The following XK variants were observed in gnomAD, a reference collection of about 807,000 sequenced individuals.
XK encodes endoplasmic reticulum membrane adapter protein XK.
Under a neutral mutation model 14.0 loss-of-function variants are expected in XK, and 2 were observed. The observed-to-expected ratio is 0.14, with a 90% CI of 0.06 to 0.45. XK has a LOEUF of 0.45. Among genes scored for constraint, XK ranks in the 20% least tolerant of loss-of-function variants. The probability of loss-of-function intolerance (pLI) is 0.98; values close to 1 mark genes in which losing one functional copy is unlikely to be tolerated. For synonymous variants in XK, 149 were observed against 147.5 expected (o/e 1.01, Z -0.08); for missense variants, 235 against 341.5 (o/e 0.69, Z 2.46).
At chrX:37,690,934 T>C (rs60334825) in intron 1 of XK, among the ~76,000 whole-genome samples, 3,668 of 112,081 alleles carry the variant, frequency 0.033, 149 homozygotes, top group African/African-American at 0.11. Flanking sequence ...AGTAATTAGA[T>C]GAGTCTTGCA....
At chrX:37,700,888 A>C (rs1459455442) in intron 2 of XK, among the ~76,000 whole-genome samples, 2 of 111,113 alleles carry the variant, frequency 1.8e-5, no homozygotes, top group East Asian at 5.6e-4. Context: ...CAGGCTTTAC[A>C]TGGAGATTGA....
intron 1 of XK, among the ~76,000 whole-genome samples, chrX:37,693,295 C>A (rs1602145416): frequency 9.0e-6 from 1 of 111,448 alleles, no homozygotes; most frequent in Admixed American, 9.5e-5. Flanking sequence ...AGTTACAAAC[C>A]TACGGCCATG....
rs1173203144 is a variant in XK at position 37,728,777 on chromosome X, T to C, written c.*315T>C. On this transcript the variant is annotated 3_prime_UTR_variant, in exon 3 of 3. Transcript: ENST00000378616. ...AGTTGTACTGGTTAGATTCATTAGG[T>C]TGAATGAGGAGAGGGGCTTACCTGT... 4 of 266,843 alleles carry C rather than the reference T, an allele frequency of 1.5e-5. No homozygotes were observed. The highest frequency in any genetic ancestry group is 2.7e-5 in the Non-Finnish European group (4 of 149,597). The allele number at this position is 266,843 out of a possible 1,213,427, so 22.0% of individuals were successfully genotyped here. A position where few individuals can be genotyped will look rare whatever the true frequency, so the allele number is the denominator to read the frequency against.
At chrX:37,707,951 C>T (rs1225949263) in intron 2 of XK, among the ~76,000 whole-genome samples, 2 of 112,990 alleles carry the variant, frequency 1.8e-5, no homozygotes, top group East Asian at 2.8e-4. Context: ...CGTCTGCAAT[C>T]CCGGCCCCTC....
Position 37,729,897 on chromosome X carries a change from G to A in XK, c.*1435G>A, listed in dbSNP as rs1467135534. 9.0e-6 allele frequency: 1 copy of A among 111,403 alleles called. No individual in the cohort carries two copies. The highest frequency in any genetic ancestry group is 3.3e-5 in the African/African-American group (1 of 30,691). The allele number at this position is 111,403 out of a possible 1,213,427, so 9.2% of individuals were successfully genotyped here. On this transcript the variant is annotated 3_prime_UTR_variant, in exon 3 of 3. Transcript: ENST00000378616. Reference sequence around the variant, plus strand: ...TAATTTTCATTTTTAATTCCTCTTGGTGTCAAATTTTTAAGTAATTTCATG... The same window carrying A: ...TAATTTTCATTTTTAATTCCTCTTGATGTCAAATTTTTAAGTAATTTCATG...
At chrX:37,703,907 C>G (rs1258392980) in intron 2 of XK, among the ~76,000 whole-genome samples, 5 of 112,427 alleles carry the variant, frequency 4.4e-5, no homozygotes, top group African/African-American at 1.6e-4. Context: ...TAAGGCCAGA[C>G]AGGTCAGGAG....
rs1219377999 is a variant in XK at position 37,726,994 on chromosome X, G to T, written c.509-642G>T. ...TCAAAAGGAAATATCAGATTTGGTT[G>T]GTCGGTCTTGATTCCCCAGAAGCTT... On this transcript the variant is annotated intron_variant, in intron 2 of 2. Coordinates refer to ENST00000378616, the MANE Select transcript of XK (RefSeq NM_021083.4). Among the ~76,000 whole-genome samples, 24 of 111,739 alleles carry T rather than the reference G, an allele frequency of 2.1e-4. No homozygotes were observed. The Admixed American group carries it at 2.3e-3, about 11-fold the overall frequency.
intron 1 of XK, among the ~76,000 whole-genome samples, chrX:37,688,062 T>TCTTTCTTG (rs1556440606): frequency 1.4e-5 from 1 of 73,245 alleles, no homozygotes; most frequent in Non-Finnish European, 2.4e-5. Flanking sequence ...TTTCTTTCTT[T>TCTTTCTTG]TTTTTTTTTT....
Position 37,686,204 on chromosome X carries a change from C to A in XK, c.243C>A (p.Phe81Leu). 6 of 1,206,575 alleles carry A rather than the reference C, an allele frequency of 5.0e-6. No individual in the cohort carries two copies. The highest frequency in any genetic ancestry group is 6.7e-6 in the Non-Finnish European group (6 of 894,458). Residue 81 changes from phenylalanine to leucine, a missense_variant and splice_region_variant, in exon 1 of 3, where the codon TTC (phenylalanine) becomes TTA (leucine). By Grantham distance (22) the Phe-to-Leu change is conservative (BLOSUM62 0). Coordinates refer to ENST00000378616, the MANE Select transcript of XK (RefSeq NM_021083.4). Reference protein sequence around the residue: ...LLHLLQLGPLFRCFEVFCIYF... With the variant: ...LLHLLQLGPLLRCFEVFCIYF... ...ACCTGCTGCAACTTGGGCCCCTTTT[C>A]AGGTGCGTGCAGAAGCCCAGAGCCA...
intron 2 of XK, among the ~76,000 whole-genome samples, chrX:37,707,665 G>A (rs1556445623): frequency 2.7e-5 from 3 of 110,568 alleles, no homozygotes; most frequent in African/African-American, 9.9e-5. Flanking sequence ...GGGCAGAGAC[G>A]CTCCTCACTT....
At chrX:37,719,965 A>G (rs1263279961) in intron 2 of XK, among the ~76,000 whole-genome samples, 28 of 111,188 alleles carry the variant, frequency 2.5e-4, no homozygotes, top group African/African-American at 8.2e-4. Context: ...ATGCAGATCA[A>G]CTTGACTCAG....
At chrX:37,717,952 T>C (rs1480893929) in intron 2 of XK, among the ~76,000 whole-genome samples, 1 of 112,115 alleles carries the variant, frequency 8.9e-6, no homozygotes, top group Non-Finnish European at 1.9e-5. Flanking sequence ...AAAATATCTC[T>C]GAAACAACTT....
At chrX:37,718,796 C>T (rs782415712) in intron 2 of XK, among the ~76,000 whole-genome samples, 1 of 111,740 alleles carries the variant, frequency 8.9e-6, no homozygotes, top group East Asian at 2.8e-4. Flanking sequence ...GCATTTATGA[C>T]TAATGAACTA....
In XK at chrX:37,731,308, G is replaced by A. The variant is rs971077316; in HGVS notation, c.*2846G>A. On this transcript the variant is annotated 3_prime_UTR_variant, in exon 3 of 3. Coordinates refer to ENST00000378616, the MANE Select transcript of XK (RefSeq NM_021083.4). ...TATCATTTGGCTGGATGGGGGTGAA[G>A]TATGTCTTCAAAATATATTGAAGTA... 2 of 112,222 alleles carry A rather than the reference G, an allele frequency of 1.8e-5. No homozygotes were observed. Among genetic ancestry groups the A allele is most frequent in the Non-Finnish European group, 3.8e-5 (2 of 53,187 alleles). The allele number at this position is 112,222 out of a possible 1,213,427, so 9.2% of individuals were successfully genotyped here.
intron 2 of XK, among the ~76,000 whole-genome samples, chrX:37,718,877 TGTGTGAAATGACTGTTCAG>T (rs1160735053): frequency 2.7e-5 from 3 of 111,605 alleles, no homozygotes; most frequent in African/African-American, 9.8e-5. Context: ...TGCATACACA[TGTGTGAAATGACTGTTCAG>T]GTATTTTCGC....
At chrX:37,720,627 T>C (rs1556448704) in intron 2 of XK, among the ~76,000 whole-genome samples, 1 of 110,846 alleles carries the variant, frequency 9.0e-6, no homozygotes, top group Non-Finnish European at 1.9e-5. Context: ...ACCCAAATAA[T>C]GTACATTGTA....
Position 37,728,384 on chromosome X carries a change from A to C in XK, c.1257A>C (p.Arg419Ser). ...AAGATCTACAGTCATCCAGAGATAG[A>C]GATGAGACACCTTCTAGCAGTAAAA... Reference protein sequence around the residue: ...GKEDLQSSRDRDETPSSSKTS... With the variant: ...GKEDLQSSRDSDETPSSSKTS... The change falls in exon 3 of 3, where the codon AGA becomes AGC. Residue 419 changes from arginine to serine, a missense_variant. Coordinates refer to ENST00000378616, the MANE Select transcript of XK (RefSeq NM_021083.4). The C allele has an allele frequency of 8.3e-7, 1 of 1,210,629 alleles. No individual in the cohort carries two copies. Among genetic ancestry groups the C allele is most frequent in the South Asian group, 1.8e-5 (1 of 56,978 alleles).
chrX:37,712,462 C>G (rs1192089504), intron 2 of XK, among the ~76,000 whole-genome samples: 1 of 112,109 alleles, frequency 8.9e-6, no homozygotes, highest in Non-Finnish European at 1.9e-5. Context: ...TTTGGCACAA[C>G]ATCATCTGTT....
intron 2 of XK, among the ~76,000 whole-genome samples, chrX:37,710,830 T>TG (rs1417593172): frequency 1.8e-5 from 2 of 111,637 alleles, no homozygotes; most frequent in African/African-American, 6.5e-5. Flanking sequence ...ATCCTGGAGT[T>TG]GAAAAATAAT....
Sources: gnomAD v4.1 joint callset for allele counts (sites outside exome capture counted in the v4.1 genomes callset) on GRCh38, gnomAD v4.1.1 for gene constraint, MANE v1.5 for transcripts, NCBI Gene and HGNC (gene_info 2026-07-23, HGNC 2026-07-21) for gene names.